INTS3: variants seen among roughly 807,000 people sequenced by gnomAD.
INTS3 encodes the protein SOSS complex subunit A.
In INTS3, 34 loss-of-function variants were observed where a neutral mutation model predicts 146.3. The observed-to-expected ratio is 0.23, with a 90% CI of 0.18 to 0.31. The LOEUF (loss-of-function observed/expected upper bound fraction) is 0.31. INTS3 is among the 10% of genes least tolerant of loss of function. INTS3 has a pLI of 1.00. For missense variants in INTS3, 757 were observed against 1,304.2 expected, an observed-to-expected ratio of 0.58 and a Z score of 6.46; for synonymous variants, 475 against 494.9, an observed-to-expected ratio of 0.96 and a Z score of 0.53.
At chr1:153,744,033 A>ATGTG (rs1385828293) in intron 3 of INTS3, among the ~76,000 whole-genome samples, 20 of 102,412 alleles carry the variant, frequency 2.0e-4, no homozygotes, top group African/African-American at 7.5e-4. Context: ...GAGGGTGTGC[A>ATGTG]TGTGCGTGTG....
intron 3 of INTS3, among the ~76,000 whole-genome samples, chr1:153,746,060 A>G (rs1671723274): frequency 6.6e-6 from 1 of 152,188 alleles, no homozygotes. Context: ...GCAACAAAGT[A>G]AGACCCCAAG....
rs368900675 is a variant in INTS3, at chr1:153,739,282, G to A, written c.151-1369G>A. Among the ~76,000 whole-genome samples, 4 of 152,108 alleles carry A rather than the reference G, an allele frequency of 2.6e-5. No homozygotes were observed. In the East Asian group the frequency reaches 7.8e-4, roughly 30 times the overall value. Reference sequence around the variant, plus strand: ...TTTTTTCACCATGTTGGCTAGGATAGTCTTGATCTCTTGACCTCGTGATCC... The same window carrying A: ...TTTTTTCACCATGTTGGCTAGGATAATCTTGATCTCTTGACCTCGTGATCC... On this transcript the variant is annotated intron_variant, in intron 1 of 29. Transcript: ENST00000318967.
At position 153,765,756 on chromosome 1, in the gene INTS3, G is replaced by C. The variant is rs373597032; in HGVS notation, c.2090+693G>C. 8.6e-5 allele frequency among the ~76,000 whole-genome samples: 13 copies of C among 152,010 alleles called. No homozygotes were observed. In the East Asian group the frequency reaches 1.9e-3, roughly 23 times the overall value. On this transcript the variant is annotated intron_variant, in intron 20 of 29. Coordinates refer to ENST00000318967, the MANE Select transcript of INTS3 (RefSeq NM_023015.5). ...AGCTAAGTTTTGTATTTTTAGTAGA[G>C]ACAGGGTTTCTCTGTGTTGGTCAGG...
rs772546730 is a variant in INTS3, at chr1:153,772,586, C to T, written c.2822-53C>T. On this transcript the variant is annotated intron_variant, in intron 27 of 29. Transcript: ENST00000318967. The surrounding 1 kb of genome is among the most constrained non-coding windows in gnomAD (Gnocchi z 4.6). ...CAACCTGTGCGTGCTGTTTAATAAG[C>T]TCCCAGACATCTGATTGTTTTTCCT... The T allele has an allele frequency of 1.2e-6, 2 of 1,613,400 alleles. No individual in the cohort carries two copies. Among genetic ancestry groups the T allele is most frequent in the Non-Finnish European group, 8.5e-7 (1 of 1,179,626 alleles).
intron 20 of INTS3, chr1:153,767,150 G>A (rs963976922): frequency 1.4e-4 from 21 of 152,350 alleles, no homozygotes; most frequent in African/African-American, 5.1e-4. Context: ...AGCATCTTTT[G>A]AACAAAAAGT....
intron 12 of INTS3, 119 bp from the exon 13 acceptor site, chr1:153,760,708 C>T: frequency 3.7e-6 from 3 of 820,710 alleles, no homozygotes; most frequent in South Asian, 3.0e-5. Context: ...CCAGTTCTCT[C>T]TGCAGCCATA....
rs545114911 is a variant in INTS3, at chr1:153,768,290, G to A, written c.2244+463G>A. 1.4e-3 allele frequency among the ~76,000 whole-genome samples: 220 copies of A among 152,232 alleles called. 1 individual carries two copies. Among genetic ancestry groups the A allele is most frequent in the African/African-American group, 5.1e-3 (212 of 41,532 alleles). On this transcript the variant is annotated intron_variant, in intron 21 of 29. Coordinates refer to ENST00000318967, the MANE Select transcript of INTS3 (RefSeq NM_023015.5). ...TAGGAACTGGGACATAACAGGTATC[G>A]GCCCTTTCTCCTCTTGGTAGAAGTT...
At chr1:153,737,445 A>C (rs1259265301) in intron 1 of INTS3, among the ~76,000 whole-genome samples, 2 of 152,152 alleles carry the variant, frequency 1.3e-5, no homozygotes, top group Non-Finnish European at 2.9e-5. Flanking sequence ...TTGAAACCAG[A>C]ATGACTGTTG....
At chr1:153,767,054 T>C (rs905070879) in intron 20 of INTS3, 1 of 152,218 alleles carries the variant, frequency 6.6e-6, no homozygotes, top group African/African-American at 2.4e-5. Context: ...ACCAAAAGTG[T>C]TCTTTATATA....
chr1:153,755,559 C>A (rs932166211), intron 9 of INTS3, among the ~76,000 whole-genome samples: 2 of 152,118 alleles, frequency 1.3e-5, no homozygotes, highest in Non-Finnish European at 2.9e-5. Flanking sequence ...TGCACCCAGC[C>A]AGAATCTGTT....
rs377760053 is a variant in INTS3, at chr1:153,760,896, A to G, written c.1387A>G (p.Ile463Val). The change falls in exon 13 of 30, where the codon ATT becomes GTT. Residue 463 changes from isoleucine to valine, a missense_variant. Transcript: ENST00000318967. ...GGGTGTCTTTTCCTCCCTCAACCAC[A>G]TTGTGGAGAAACGGGTCTTGGCGTA... ...RQGVFSSLNH[I>V]VEKRVLAHLA... 6.2e-7 allele frequency: 1 copy of G among 1,613,946 alleles called. No homozygotes were observed. Among genetic ancestry groups the G allele is most frequent in the Non-Finnish European group, 8.5e-7 (1 of 1,179,946 alleles).
In INTS3 at chr1:153,764,763, T is replaced by C. The variant is rs1213005356; in HGVS notation, c.1970+29T>C. 7 of 1,582,988 alleles carry C rather than the reference T, an allele frequency of 4.4e-6. No homozygotes were observed. The Admixed American group carries it at 8.3e-5, about 19-fold the overall frequency. On this transcript the variant is annotated intron_variant, in intron 19 of 29. Transcript: ENST00000318967. Reference sequence around the variant, plus strand: ...AGCACGCAGCTATAGGAGATACTGTTCTACCCTCCATCCTCCCTGACAGCA... The same window carrying C: ...AGCACGCAGCTATAGGAGATACTGTCCTACCCTCCATCCTCCCTGACAGCA...
At chr1:153,759,669 C>T (rs1558003403) in intron 11 of INTS3, 56 bp downstream of exon 11, 1 of 1,105,222 alleles carries the variant, frequency 9.0e-7, no homozygotes, top group Non-Finnish European at 1.4e-6. Flanking sequence ...CCCCCACTGC[C>T]TTCCTTAGTG....
At position 153,758,562 on chromosome 1, in the gene INTS3, C is replaced by A. The variant is rs551923184; in HGVS notation, c.1149+799C>A. Among the ~76,000 whole-genome samples the A allele has an allele frequency of 8.2e-4, 125 of 152,242 alleles. 3 individuals carry two copies. The highest frequency in any genetic ancestry group is 4.4e-5 in the Non-Finnish European group (3 of 68,018). On this transcript the variant is annotated intron_variant, in intron 10 of 29. Transcript: ENST00000318967. ...GTGGCTCACGCCTGTAATCCCAGCA[C>A]TTTGGGAGGTTGAGGTGGGCAGATT...
rs1362861897 is a variant in INTS3 at position 153,768,955 on chromosome 1, T to C, written c.2307T>C (p.Ser769=). ...ACATGATCGTGGCTGTTATTGACTC[T>C]GCACAGGTGAACATTGAGCTCTGAC... is the stretch of plus-strand genomic sequence containing the variant. ...LLNMIVAVID[S]AQLQELVCHV... Residue 769 remains serine, a synonymous_variant, in exon 22 of 30, where the codon TCT becomes TCC. Transcript: ENST00000318967. The C allele has an allele frequency of 6.2e-7, 1 of 1,613,452 alleles. No individual in the cohort carries two copies. The highest frequency in any genetic ancestry group is 1.1e-5 in the South Asian group (1 of 91,072).
At chr1:153,741,127 T>A (rs1038833861) in intron 2 of INTS3, among the ~76,000 whole-genome samples, 158 bp from the exon 3 acceptor site, 10 of 152,172 alleles carry the variant, frequency 6.6e-5, no homozygotes, top group East Asian at 1.9e-4. Flanking sequence ...CTTCTTTTTT[T>A]AAAAATCTCT....
At chr1:153,737,286 G>A (rs1466567993) in intron 1 of INTS3, among the ~76,000 whole-genome samples, 2 of 152,156 alleles carry the variant, frequency 1.3e-5, no homozygotes, top group East Asian at 3.8e-4. Flanking sequence ...AGTTTTAAAA[G>A]GACTCAGGAA....
chr1:153,752,149 A>C (rs1671981610), intron 7 of INTS3, 130 bp from the exon 8 acceptor site: 1 of 935,816 alleles, frequency 1.1e-6, no homozygotes, highest in African/African-American at 1.7e-5. Context: ...GTTCCAGAAG[A>C]AATCATAGTT....
intron 8 of INTS3, among the ~76,000 whole-genome samples, 169 bp from the exon 9 acceptor site, chr1:153,754,473 G>A (rs2101807658): frequency 6.6e-6 from 1 of 152,342 alleles, no homozygotes; most frequent in East Asian, 1.9e-4. Context: ...GAACACGTAA[G>A]TGCTGGTTGG....
Sources: allele counts gnomAD v4.1 joint callset (sites outside exome capture counted in the v4.1 genomes callset), GRCh38; gene constraint gnomAD v4.1.1; non-coding constraint Gnocchi (gnomAD v3.1); transcripts MANE v1.5; gene names NCBI Gene and HGNC (gene_info 2026-07-23, HGNC 2026-07-21).